The following PTPRD variants were observed in gnomAD, a reference collection of about 807,000 sequenced individuals.
PTPRD encodes protein tyrosine phosphatase receptor type D, also known as receptor-type tyrosine-protein phosphatase delta.
PTPRD carries 34 observed loss-of-function variants against 214.5 expected under a neutral mutation model. The ratio of observed to expected loss-of-function variants is 0.16; its 90% CI spans 0.12 to 0.21. The LOEUF (loss-of-function observed/expected upper bound fraction) is 0.21, where lower values mean the gene tolerates loss of function less well. Among genes scored for constraint, PTPRD ranks in the 10% least tolerant of loss-of-function variants. The pLI is 1.00. For missense variants in PTPRD, 2,545 were observed against 2,398.7 expected, an observed-to-expected ratio of 1.06 and a Z score of -1.27; for synonymous variants, 1,128 against 845.7, an observed-to-expected ratio of 1.33 and a Z score of -5.79.
chr9:9,082,148 G>A (rs944251089), intron 10 of PTPRD, among the ~76,000 whole-genome samples: 12 of 151,952 alleles, frequency 7.9e-5, no homozygotes, highest in Non-Finnish European at 1.5e-4. Context: ...ACCTGGCAGA[G>A]ACACAACAAA....
intron 5 of PTPRD, among the ~76,000 whole-genome samples, chr9:9,820,896 T>C (rs1312176756): frequency 6.6e-6 from 1 of 152,194 alleles, no homozygotes; most frequent in Non-Finnish European, 1.5e-5. Context: ...ACTTGCAGCA[T>C]AGTTTGAAAC....
intron 2 of PTPRD, among the ~76,000 whole-genome samples, chr9:10,486,247 G>C (rs370082175): frequency 1.1e-4 from 17 of 152,226 alleles, no homozygotes; most frequent in African/African-American, 3.8e-4. Context: ...TTGTCATGAA[G>C]TCTTTGCCCA....
chr9:10,095,371 T>C (rs2098472820), intron 3 of PTPRD, among the ~76,000 whole-genome samples: 1 of 151,526 alleles, frequency 6.6e-6, no homozygotes, highest in Non-Finnish European at 1.5e-5. Flanking sequence ...AGTTGTTCCA[T>C]ATTTTACTTC....
In PTPRD at chr9:9,482,662, A is replaced by G. The variant is rs115201973; in HGVS notation, c.-236-85180T>C. ...TGAGGACATCAGCTATTATCCGTAG[A>G]TGGCAGTGGTTCTAAGCACAACTTA... On this transcript the variant is annotated intron_variant, in intron 8 of 45. Transcript: ENST00000381196. Among the ~76,000 whole-genome samples, 1,388 of 152,288 alleles carry G rather than the reference A, an allele frequency of 9.1e-3. 19 individuals carry two copies. Among genetic ancestry groups the G allele is most frequent in the African/African-American group, 0.031 (1,302 of 41,570 alleles).
At chr9:10,513,773 T>C (rs957871679) in intron 2 of PTPRD, among the ~76,000 whole-genome samples, 4 of 152,126 alleles carry the variant, frequency 2.6e-5, no homozygotes, top group South Asian at 2.1e-4. Context: ...GCAACTCACA[T>C]TGGACACACA....
At chr9:10,110,058 ATAATTTATTGTTTGTTAT>A (rs2098676533) in intron 3 of PTPRD, among the ~76,000 whole-genome samples, 1 of 152,160 alleles carries the variant, frequency 6.6e-6, no homozygotes, top group Non-Finnish European at 1.5e-5. Context: ...TGTAGATGCT[ATAATTTATTGTTTGTTAT>A]TAATTTCAAG....
intron 2 of PTPRD, among the ~76,000 whole-genome samples, chr9:10,478,154 A>AG (rs1004381902): frequency 6.6e-6 from 1 of 152,130 alleles, no homozygotes; most frequent in Admixed American, 6.6e-5. Context: ...ATGGAAAAAA[A>AG]AAAGATTTCA....
rs185899380 is a variant in PTPRD, at chr9:9,788,643, A to T, written c.-367-21792T>A. 4.6e-3 allele frequency among the ~76,000 whole-genome samples: 697 copies of T among 152,164 alleles called. 5 individuals carry two copies. The highest frequency in any genetic ancestry group is 0.016 in the African/African-American group (655 of 41,514). On this transcript the variant is annotated intron_variant, in intron 5 of 45. Transcript: ENST00000381196. ...TTTATTTAAATCCCGTAGACACAGT[A>T]TATAATATTAATCTGATACAAAAGA... is the stretch of plus-strand genomic sequence containing the variant.
chr9:9,656,073 A>C (rs1448214025), intron 7 of PTPRD, among the ~76,000 whole-genome samples: 3 of 152,224 alleles, frequency 2.0e-5, no homozygotes, highest in African/African-American at 7.2e-5. Flanking sequence ...ACAATGCGGT[A>C]CCACTACGAT....
At chr9:8,818,939 G>A (rs570444348) in intron 11 of PTPRD, among the ~76,000 whole-genome samples, 6 of 152,210 alleles carry the variant, frequency 3.9e-5, no homozygotes, top group African/African-American at 1.4e-4. Flanking sequence ...TAGAGAATCT[G>A]GTAACTAACC....
chr9:8,774,386 G>T (rs1013668297), intron 11 of PTPRD, among the ~76,000 whole-genome samples: 10 of 152,214 alleles, frequency 6.6e-5, no homozygotes, highest in African/African-American at 2.2e-4. Flanking sequence ...AAAGGGAGAA[G>T]ATTAGAGATT....
At chr9:8,425,589 T>C (rs1184239994) in intron 35 of PTPRD, among the ~76,000 whole-genome samples, 2 of 152,202 alleles carry the variant, frequency 1.3e-5, no homozygotes, top group Admixed American at 6.5e-5. Context: ...CTCCAAGTCA[T>C]GGGTACTCTG....
chr9:9,598,880 C>A (rs954750502), intron 7 of PTPRD, among the ~76,000 whole-genome samples: 25 of 151,966 alleles, frequency 1.6e-4, no homozygotes, highest in African/African-American at 4.6e-4. Flanking sequence ...AGATTTCCTT[C>A]TGAAGCTTCA....
At chr9:9,105,680 G>A (rs2099797484) in intron 10 of PTPRD, among the ~76,000 whole-genome samples, 1 of 152,146 alleles carries the variant, frequency 6.6e-6, no homozygotes, top group African/African-American at 2.4e-5. Flanking sequence ...TAATGATCTA[G>A]GAGAGTGGAT....
Position 10,557,029 on chromosome 9 carries a change from GA to G in PTPRD, c.-600+55368del, listed in dbSNP as rs574884525. 1.9e-3 allele frequency among the ~76,000 whole-genome samples: 292 copies of G among 152,230 alleles called. 2 individuals carry two copies. Among genetic ancestry groups the G allele is most frequent in the Non-Finnish European group, 2.6e-3 (180 of 67,994 alleles). On this transcript the variant is annotated intron_variant, in intron 2 of 45. Coordinates refer to ENST00000381196, the MANE Select transcript of PTPRD (RefSeq NM_002839.4). Reference sequence around the variant, plus strand: ...ATTCCTGTATGGTTATATTACTTATGAAAAACAGGCTGAATTTACTTGTAAT... The same window carrying G: ...ATTCCTGTATGGTTATATTACTTATGAAAACAGGCTGAATTTACTTGTAAT...
At chr9:9,573,565 C>T (rs2087291468) in intron 8 of PTPRD, among the ~76,000 whole-genome samples, 1 of 151,470 alleles carries the variant, frequency 6.6e-6, no homozygotes, top group African/African-American at 2.4e-5. Context: ...TTTTAGAATA[C>T]TTTTGTTTCT....
intron 7 of PTPRD, among the ~76,000 whole-genome samples, chr9:9,658,197 T>C (rs2096557549): frequency 6.6e-6 from 1 of 152,154 alleles, no homozygotes; most frequent in Non-Finnish European, 1.5e-5. Context: ...AAGTCAGATG[T>C]ACCAGGAAAC....
intron 14 of PTPRD, among the ~76,000 whole-genome samples, chr9:8,567,693 C>G (rs558762687): frequency 1.3e-5 from 2 of 152,276 alleles, no homozygotes; most frequent in East Asian, 1.9e-4. Flanking sequence ...TTTTGGTACA[C>G]AGTAGATATT....
intron 2 of PTPRD, among the ~76,000 whole-genome samples, chr9:10,397,226 C>T (rs756590183): frequency 1.3e-5 from 2 of 152,056 alleles, no homozygotes; most frequent in African/African-American, 2.4e-5. Flanking sequence ...CCAGTTAACA[C>T]CTATGTGACT....
Sources: gnomAD v4.1 joint callset for allele counts (sites outside exome capture counted in the v4.1 genomes callset) on GRCh38, gnomAD v4.1.1 for gene constraint, MANE v1.5 for transcripts, NCBI Gene and HGNC (gene_info 2026-07-23, HGNC 2026-07-21) for gene names.